Variants in MICAL1 observed in about 807,000 individuals in gnomAD.
The protein encoded by MICAL1 is microtubule associated monooxygenase, calponin and LIM domain containing 1.
Under a neutral mutation model 131.8 loss-of-function variants are expected in MICAL1, and 95 were observed. The ratio of observed to expected loss-of-function variants is 0.72; its 90% CI spans 0.61 to 0.86. The LOEUF (loss-of-function observed/expected upper bound fraction) is 0.86. Among genes scored for constraint, MICAL1 ranks in the 40% least tolerant of loss-of-function variants. The probability of loss-of-function intolerance (pLI) is 0.00; values close to 1 mark genes in which losing one functional copy is unlikely to be tolerated. For synonymous variants in MICAL1, 546 were observed against 554.2 expected (o/e 0.99, Z 0.21); for missense variants, 1,292 against 1,380.6 (o/e 0.94, Z 1.02).
At chr6:109,451,473 A>G in intron 7 of MICAL1, 127 bp downstream of exon 7, 1 of 1,117,794 alleles carries the variant, frequency 8.9e-7, no homozygotes, top group Non-Finnish European at 1.2e-6. Context: ...TTTAGAGGTG[A>G]AGTTAATGCC....
chr6:109,448,575 C>T (rs1775356023), intron 12 of MICAL1, 157 bp downstream of exon 12: 2 of 1,304,920 alleles, frequency 1.5e-6, no homozygotes, highest in Non-Finnish European at 2.1e-6. Flanking sequence ...GCTTTGGGGG[C>T]CTGTGCCATT....
chr6:109,461,153 T>G (rs1345975592), intron 1 of MICAL1, among the ~76,000 whole-genome samples: 2 of 148,360 alleles, frequency 1.3e-5, no homozygotes, highest in African/African-American at 5.0e-5. Flanking sequence ...CCCTGCCTTG[T>G]GTCCAAGTGT....
intron 20 of MICAL1, 48 bp from the exon 21 acceptor site, chr6:109,445,577 G>A (rs1377538454): frequency 1.3e-6 from 2 of 1,599,882 alleles, no homozygotes; most frequent in Non-Finnish European, 1.7e-6. Flanking sequence ...GCCCCCTGGT[G>A]GATAGGAGTG....
At chr6:109,455,851 C>T (rs1010339521), upstream of MICAL1, 2 of 985,604 alleles carry the variant, frequency 2.0e-6, no homozygotes, top group Non-Finnish European at 2.4e-6. This position sits in a 1 kb window ranked among gnomAD's most constrained non-coding sequence, Gnocchi z 4.7. Flanking sequence ...CGGGGCGGCC[C>T]GGGGCGTGCG....
rs748826967 is a variant in MICAL1 at position 109,450,423 on chromosome 6, A to G, written c.1068T>C (p.His356=). The G allele has an allele frequency of 9.9e-6, 16 of 1,613,470 alleles. No individual in the cohort carries two copies. Among genetic ancestry groups the G allele is most frequent in the Admixed American group, 6.7e-5 (4 of 60,012 alleles). ...CAAAGGCAGAGACATCAGGCTGCCC[A>G]TGGGCATCCTGGGCAAACTCTAGTT... The part of the protein sequence containing the change: ...LGKLEFAQDA[H]GQPDVSAFDF... The change falls in exon 8 of 25, where the codon CAT becomes CAC. Residue 356 remains histidine, a synonymous_variant. Coordinates refer to ENST00000358807, the MANE Select transcript of MICAL1 (RefSeq NM_022765.4).
chr6:109,446,428 T>TGTGGTCTGGTCAGTGACCTACCCAGG lies in MICAL1; in HGVS notation c.2305-17_2305-16insCCTGGGTAGGTCACTGACCAGACCAC. ...TGGGGAGCTCCTGGAAAAGCCACCA[T>TGTGGTCTGGTCAGTGACCTACCCAGG]GTGGAGTGAGGTCGGGGGGTGAGGC... On this transcript the variant is annotated splice_polypyrimidine_tract_variant and intron_variant, in intron 18 of 24. Coordinates refer to ENST00000358807, the MANE Select transcript of MICAL1 (RefSeq NM_022765.4). 2 of 1,612,628 alleles carry TGTGGTCTGGTCAGTGACCTACCCAGG rather than the reference T, an allele frequency of 1.2e-6. No individual in the cohort carries two copies. Among genetic ancestry groups the TGTGGTCTGGTCAGTGACCTACCCAGG allele is most frequent in the East Asian group, 2.2e-5 (1 of 44,816 alleles).
chr6:109,465,742 G>A, exon 1 of MICAL1: 1 of 1,611,600 alleles, frequency 6.2e-7, no homozygotes, highest in Non-Finnish European at 8.5e-7. Flanking sequence ...AGCTCTCACA[G>A]AAGCATCTGC....
intron 1 of MICAL1, among the ~76,000 whole-genome samples, chr6:109,461,105 AG>A (rs1775877602): frequency 2.2e-5 from 1 of 45,506 alleles, no homozygotes; most frequent in Non-Finnish European, 4.6e-5. Context: ...TCCCTCCCCC[AG>A]CCCCCCACCC....
chr6:109,464,240 T>C (rs1467573847), intron 1 of MICAL1: 1 of 152,194 alleles, frequency 6.6e-6, no homozygotes, highest in Non-Finnish European at 1.5e-5. Flanking sequence ...TTTGGAAGTT[T>C]TGTGAATTAC....
chr6:109,452,544 T>A lies in MICAL1; in HGVS notation c.643A>T (p.Ile215Phe). 6.2e-7 allele frequency: 1 copy of A among 1,613,944 alleles called. No homozygotes were observed. Among genetic ancestry groups the A allele is most frequent in the South Asian group, 1.1e-5 (1 of 91,076 alleles). Reference protein sequence around the residue: ...QLANYEFDVLISAAGGKFVPE... With the variant: ...QLANYEFDVLFSAAGGKFVPE... The stretch of plus-strand genomic sequence containing the variant: ...ACGAATTTACCTCCTGCAGCCGAGA[T>A]AAGGACGTCAAATTCATAGTTGGCC... Residue 215 changes from isoleucine to phenylalanine, a missense_variant, in exon 5 of 25, where the codon ATC (isoleucine) becomes TTC (phenylalanine). Ile to Phe is a conservative substitution (Grantham distance 21). Coordinates refer to ENST00000358807, the MANE Select transcript of MICAL1 (RefSeq NM_022765.4).
At position 109,455,556 on chromosome 6, in the gene MICAL1, G is replaced by T; in HGVS notation, c.-44+163C>A. The T allele has an allele frequency of 2.8e-6, 1 of 358,854 alleles. No individual in the cohort carries two copies. Among genetic ancestry groups the T allele is most frequent in the Non-Finnish European group, 3.9e-6 (1 of 256,524 alleles). 22.2% of individuals were successfully genotyped at this position (358,854 alleles called of 1,614,324 possible). On this transcript the variant is annotated intron_variant, in intron 1 of 24. Transcript: ENST00000358807. This position sits in a 1 kb window ranked among gnomAD's most constrained non-coding sequence, Gnocchi z 4.7. Reference sequence around the variant, plus strand: ...GCGGTGGGGGTCCCCGACACTGGACGGCAAAGTCCGGACGCGGCGTGAGCA... The same window carrying T: ...GCGGTGGGGGTCCCCGACACTGGACTGCAAAGTCCGGACGCGGCGTGAGCA...
At chr6:109,450,213 C>A in intron 8 of MICAL1, 87 bp downstream of exon 8, 1 of 1,565,244 alleles carries the variant, frequency 6.4e-7, no homozygotes, top group Non-Finnish European at 8.7e-7. Flanking sequence ...CTCCTCCCCT[C>A]TGCAGGCAGA....
At chr6:109,453,608 C>G (rs774701919) in intron 3 of MICAL1, 30 bp downstream of exon 3, 2 of 1,561,378 alleles carry the variant, frequency 1.3e-6, no homozygotes, top group South Asian at 2.3e-5. Context: ...CAAGCTCACC[C>G]GCCCCTCCAG....
chr6:109,463,880 CCT>C (rs1775968662), intron 1 of MICAL1: 2 of 152,152 alleles, frequency 1.3e-5, no homozygotes, highest in African/African-American at 4.8e-5. Context: ...TTTAAAGTGA[CCT>C]ATGTTGTTCA....
Position 109,454,150 on chromosome 6 carries a change from C to T in MICAL1, c.47G>A (p.Ser16Asn), listed in dbSNP as rs1340008299. 1.2e-6 allele frequency: 2 copies of T among 1,612,348 alleles called. No individual in the cohort carries two copies. The highest frequency in any genetic ancestry group is 3.3e-5 in the Admixed American group (2 of 59,842). Residue 16 changes from serine to asparagine, a missense_variant, in exon 2 of 25, where the codon AGC (serine) becomes AAC (asparagine). Transcript: ENST00000358807. ...STNPAHAHFE[S>N]FLQAQLCQDV... ...CTGGCACAGCTGGGCCTGCAGGAAG[C>T]TCTCAAAGTGGGCATGCGCTGGGTT...
intron 1 of MICAL1, among the ~76,000 whole-genome samples, chr6:109,461,689 T>A (rs914375839): frequency 2.6e-5 from 4 of 152,148 alleles, no homozygotes; most frequent in Non-Finnish European, 4.4e-5. Flanking sequence ...TCTTATTAAA[T>A]ATGTAATTTT....
rs1236676968 is a variant in MICAL1, at chr6:109,451,769, A to G, written c.833-69T>C. The G allele has an allele frequency of 3.8e-6, 6 of 1,587,636 alleles. No homozygotes were observed. The African/African-American group carries it at 5.4e-5, about 14-fold the overall frequency. On this transcript the variant is annotated intron_variant, in intron 6 of 24. Coordinates refer to ENST00000358807, the MANE Select transcript of MICAL1 (RefSeq NM_022765.4). ...TGCATCACCTTCCCTAAACATCCCA[A>G]CATGGCCTGACCTCTGAGCTGGGAT...
intron 17 of MICAL1, 130 bp from the exon 18 acceptor site, chr6:109,446,902 C>G: frequency 1.6e-6 from 2 of 1,233,590 alleles, no homozygotes; most frequent in East Asian, 2.5e-5. Flanking sequence ...CCTCCTGTTC[C>G]TCAGAACCAC....
chr6:109,447,771 C>A, intron 14 of MICAL1, 49 bp from the exon 15 acceptor site: 1 of 1,613,548 alleles, frequency 6.2e-7, no homozygotes, highest in African/African-American at 1.3e-5. Flanking sequence ...AGGTCCCAGT[C>A]CTCCCCACTT....
Sources: gnomAD v4.1 joint callset for allele counts (sites outside exome capture counted in the v4.1 genomes callset) on GRCh38, gnomAD v4.1.1 for gene constraint, Gnocchi (gnomAD v3.1) non-coding constraint, MANE v1.5 for transcripts, NCBI Gene and HGNC (gene_info 2026-07-23, HGNC 2026-07-21) for gene names.